Variants in ADGRV1 observed in about 807,000 individuals in gnomAD.
ADGRV1 encodes the protein adhesion G protein-coupled receptor V1.
Under a neutral mutation model 596.2 loss-of-function variants are expected in ADGRV1, and 359 were observed. The observed-to-expected ratio is 0.60, with a 90% CI of 0.55 to 0.66. ADGRV1 has a LOEUF of 0.66. ADGRV1 is among the 30% of genes least tolerant of loss of function. The pLI, the probability that ADGRV1 is intolerant of heterozygous loss-of-function variation, is 0.00. For synonymous variants in ADGRV1, 2,681 were observed against 2,679.2 expected, an observed-to-expected ratio of 1.00 and a Z score of -0.02; for missense variants, 7,274 against 7,575.6, an observed-to-expected ratio of 0.96 and a Z score of 1.48.
intron 85 of ADGRV1, among the ~76,000 whole-genome samples, chr5:91,043,946 G>A (rs998576677): frequency 2.0e-5 from 3 of 151,628 alleles, no homozygotes; most frequent in African/African-American, 7.3e-5. Flanking sequence ...TGAACTCCCT[G>A]TTTCTTCAAA....
intron 33 of ADGRV1, among the ~76,000 whole-genome samples, chr5:90,695,984 C>A (rs1185230120): frequency 6.6e-6 from 1 of 152,026 alleles, no homozygotes; most frequent in Non-Finnish European, 1.5e-5. Flanking sequence ...TGAATTATAA[C>A]CTTAGCATCA....
chr5:91,159,501 A>G (rs1257075947), intron 89 of ADGRV1, among the ~76,000 whole-genome samples: 2 of 152,226 alleles, frequency 1.3e-5, no homozygotes, highest in African/African-American at 4.8e-5. Flanking sequence ...TTACATTTTT[A>G]AAAATTTAGA....
At chr5:91,062,621 G>A (rs1426337708) in intron 85 of ADGRV1, among the ~76,000 whole-genome samples, 1 of 151,960 alleles carries the variant, frequency 6.6e-6, no homozygotes, top group Non-Finnish European at 1.5e-5. Flanking sequence ...ATCTCGTTTG[G>A]CCAGTCTGCA....
intron 25 of ADGRV1, among the ~76,000 whole-genome samples, chr5:90,677,690 C>T (rs1174938696): frequency 6.6e-6 from 1 of 152,090 alleles, no homozygotes. Flanking sequence ...AAACTTCTCC[C>T]CATATCTCTA....
intron 70 of ADGRV1, among the ~76,000 whole-genome samples, chr5:90,794,609 A>G (rs1760462781): frequency 6.6e-6 from 1 of 152,164 alleles, no homozygotes. Context: ...TAGTGTTGGC[A>G]TGTGCACAGG....
chr5:90,864,087 ACTT>A (rs1767866527), intron 83 of ADGRV1, among the ~76,000 whole-genome samples: 1 of 152,034 alleles, frequency 6.6e-6, no homozygotes, highest in Non-Finnish European at 1.5e-5. Flanking sequence ...AAAAAAAAAA[ACTT>A]CTTATCACAA....
At chr5:90,642,798 C>G in intron 12 of ADGRV1, 36 bp downstream of exon 12, 1 of 1,605,450 alleles carries the variant, frequency 6.2e-7, no homozygotes, top group Non-Finnish European at 8.5e-7. Context: ...ATTCTGTGCT[C>G]ACAACTTTAG....
chr5:90,919,403 G>A (rs1424448133), intron 83 of ADGRV1, among the ~76,000 whole-genome samples: 1 of 152,114 alleles, frequency 6.6e-6, no homozygotes, highest in East Asian at 1.9e-4. Flanking sequence ...AGTAATATTG[G>A]GAGGTGTAGT....
chr5:90,725,450 A>G, intron 47 of ADGRV1, 99 bp from the exon 48 acceptor site: 1 of 765,370 alleles, frequency 1.3e-6, no homozygotes, highest in Non-Finnish European at 2.2e-6. Context: ...AAATTTTTTA[A>G]GTCTTGCACT....
intron 14 of ADGRV1, 58 bp from the exon 15 acceptor site, chr5:90,644,648 C>T: frequency 7.5e-7 from 1 of 1,338,110 alleles, no homozygotes; most frequent in Non-Finnish European, 1.0e-6. Flanking sequence ...TTTCTTTACT[C>T]ATCATTTTAA....
chr5:91,033,188 A>G (rs1249047707), intron 85 of ADGRV1, among the ~76,000 whole-genome samples: 1 of 152,124 alleles, frequency 6.6e-6, no homozygotes, highest in Non-Finnish European at 1.5e-5. Flanking sequence ...ACTAATTTGT[A>G]TGGTTTTTAA....
intron 3 of ADGRV1, among the ~76,000 whole-genome samples, chr5:90,618,637 A>G (rs1763667220): frequency 6.6e-6 from 1 of 152,202 alleles, no homozygotes; most frequent in African/African-American, 2.4e-5. Context: ...TCCATTTTAT[A>G]AACAGTTTTA....
chr5:90,595,088 G>C, intron 1 of ADGRV1, among the ~76,000 whole-genome samples: 1 of 140,228 alleles, frequency 7.1e-6, no homozygotes, highest in African/African-American at 2.9e-5. Flanking sequence ...TCACCTCCCG[G>C]ACGGGGCAGC....
intron 83 of ADGRV1, among the ~76,000 whole-genome samples, chr5:90,959,068 T>C (rs1365551518): frequency 6.6e-6 from 1 of 152,158 alleles, no homozygotes; most frequent in Non-Finnish European, 1.5e-5. Flanking sequence ...CCTATTTATA[T>C]AGAGATGACA....
At chr5:91,111,924 A>G (rs1398581054) in intron 87 of ADGRV1, among the ~76,000 whole-genome samples, 1 of 152,222 alleles carries the variant, frequency 6.6e-6, no homozygotes, top group African/African-American at 2.4e-5. Context: ...TTCACAAATA[A>G]ATATATAGAA....
chr5:90,916,702 G>C (rs959624549), intron 83 of ADGRV1, among the ~76,000 whole-genome samples: 3 of 138,708 alleles, frequency 2.2e-5, no homozygotes, highest in East Asian at 4.3e-4. Context: ...GCGGGATCTC[G>C]GCTCACTGCA....
At chr5:91,027,039 G>A (rs1784068869) in intron 85 of ADGRV1, among the ~76,000 whole-genome samples, 1 of 151,958 alleles carries the variant, frequency 6.6e-6, no homozygotes, top group Non-Finnish European at 1.5e-5. Context: ...CTACTCAGGA[G>A]GCTGAGGCAG....
In ADGRV1 at chr5:91,086,121, C is replaced by G. The variant is rs139274978; in HGVS notation, c.18310+13517C>G. Among the ~76,000 whole-genome samples, 634 of 152,294 alleles carry G rather than the reference C, an allele frequency of 4.2e-3. 3 individuals are homozygous for G. The highest frequency in any genetic ancestry group is 0.012 in the African/African-American group (481 of 41,558). On this transcript the variant is annotated intron_variant, in intron 86 of 89. Transcript: ENST00000405460. Reference sequence around the variant, plus strand: ...TTTTACAAGTATTTTCCTGCTAACTCCCAGGTCATAGCCCTTTCTTCTTAT... The same window carrying G: ...TTTTACAAGTATTTTCCTGCTAACTGCCAGGTCATAGCCCTTTCTTCTTAT...
intron 87 of ADGRV1, among the ~76,000 whole-genome samples, chr5:91,110,045 T>C (rs1305482682): frequency 6.6e-6 from 1 of 152,240 alleles, no homozygotes; most frequent in Non-Finnish European, 1.5e-5. Context: ...TAACCAAATG[T>C]CTCTATATTG....
Sources: allele counts gnomAD v4.1 joint callset (sites outside exome capture counted in the v4.1 genomes callset), GRCh38; gene constraint gnomAD v4.1.1; transcripts MANE v1.5; gene names NCBI Gene and HGNC (gene_info 2026-07-23, HGNC 2026-07-21).